Variants in KCNIP4 observed in about 807,000 individuals in gnomAD.
The protein encoded by KCNIP4 is Kv channel-interacting protein 4.
KCNIP4 carries 12 observed loss-of-function variants against 34.0 expected under a neutral mutation model. The observed-to-expected ratio is 0.35, with a 90% confidence interval of 0.23 to 0.57. KCNIP4 has a LOEUF of 0.57. Ranked by LOEUF, KCNIP4 falls within the 20% of genes least tolerant of loss-of-function variation. The pLI is 0.83. For synonymous variants in KCNIP4, 124 were observed against 102.2 expected, an observed-to-expected ratio of 1.21 and a Z score of -1.29; for missense variants, 238 against 311.7, an observed-to-expected ratio of 0.76 and a Z score of 1.78.
At chr4:21,172,310 G>T (rs1426859178) in intron 1 of KCNIP4, among the ~76,000 whole-genome samples, 1 of 152,122 alleles carries the variant, frequency 6.6e-6, no homozygotes, top group African/African-American at 2.4e-5. Flanking sequence ...GGGATTACAG[G>T]CATGAGCCAC....
At chr4:21,063,898 T>C (rs1035313202) in intron 1 of KCNIP4, among the ~76,000 whole-genome samples, 4 of 152,088 alleles carry the variant, frequency 2.6e-5, no homozygotes. Flanking sequence ...TATTTTTAAT[T>C]ATCTCACAAA....
chr4:21,382,227 C>T (rs918839324), intron 1 of KCNIP4, among the ~76,000 whole-genome samples: 2 of 152,054 alleles, frequency 1.3e-5, no homozygotes. Context: ...GTATGGCAGG[C>T]CATGAGCCCA....
At chr4:21,638,504 T>G (rs2109226488) in intron 1 of KCNIP4, among the ~76,000 whole-genome samples, 1 of 152,304 alleles carries the variant, frequency 6.6e-6, no homozygotes, top group Non-Finnish European at 1.5e-5. Context: ...TTTATGTTTT[T>G]TATCATAGTG....
intron 1 of KCNIP4, among the ~76,000 whole-genome samples, chr4:21,194,862 G>A (rs750539733): frequency 1.3e-5 from 2 of 152,100 alleles, no homozygotes; most frequent in Non-Finnish European, 2.9e-5. Flanking sequence ...TCATGTTAAG[G>A]CACTGTTATT....
chr4:21,344,732 T>C (rs553560171), intron 1 of KCNIP4, among the ~76,000 whole-genome samples: 5 of 152,244 alleles, frequency 3.3e-5, no homozygotes, highest in Middle Eastern at 3.4e-3. Flanking sequence ...ATTCCAAATT[T>C]CCAGAAAAGG....
At chr4:21,317,605 T>C (rs1713912992) in intron 1 of KCNIP4, among the ~76,000 whole-genome samples, 1 of 152,158 alleles carries the variant, frequency 6.6e-6, no homozygotes, top group Admixed American at 6.5e-5. Context: ...CAAGAAATCA[T>C]TGAGAAGCTA....
intron 1 of KCNIP4, among the ~76,000 whole-genome samples, chr4:21,650,924 G>T (rs1747436180): frequency 6.6e-6 from 1 of 152,070 alleles, no homozygotes; most frequent in Non-Finnish European, 1.5e-5. Flanking sequence ...GGGCCACTCA[G>T]CTCCTTGAGG....
At chr4:21,930,355 C>G (rs574540153) in intron 1 of KCNIP4, among the ~76,000 whole-genome samples, 21 of 152,106 alleles carry the variant, frequency 1.4e-4, no homozygotes, top group Non-Finnish European at 2.5e-4. Context: ...CTACATTGTT[C>G]GTACCATTTT....
At chr4:21,846,887 A>G (rs1215287059) in intron 1 of KCNIP4, 1 of 152,228 alleles carries the variant, frequency 6.6e-6, no homozygotes, top group African/African-American at 2.4e-5. Context: ...GCCAAGGAGA[A>G]CACTGGCCCA....
At chr4:21,822,649 C>A (rs1722424811) in intron 1 of KCNIP4, among the ~76,000 whole-genome samples, 1 of 150,614 alleles carries the variant, frequency 6.6e-6, no homozygotes, top group Non-Finnish European at 1.5e-5. Flanking sequence ...TATATTTAAA[C>A]AGATATGAAT....
chr4:21,140,560 G>A (rs575850158), intron 1 of KCNIP4, among the ~76,000 whole-genome samples: 1 of 151,944 alleles, frequency 6.6e-6, no homozygotes, highest in Non-Finnish European at 1.5e-5. Context: ...CTCCTCCAAC[G>A]CACCCCGCTA....
chr4:21,734,452 G>C (rs1171867404), intron 1 of KCNIP4, among the ~76,000 whole-genome samples: 1 of 152,102 alleles, frequency 6.6e-6, no homozygotes, highest in African/African-American at 2.4e-5. Flanking sequence ...CACTGAAATG[G>C]AAAATATATA....
chr4:21,543,423 T>C (rs945244881), intron 1 of KCNIP4, among the ~76,000 whole-genome samples: 2 of 152,160 alleles, frequency 1.3e-5, no homozygotes, highest in Non-Finnish European at 2.9e-5. Flanking sequence ...GCATGTATTT[T>C]TTTTTCATAA....
At position 20,858,168 on chromosome 4, in the gene KCNIP4, G is replaced by T. The variant is rs192873736; in HGVS notation, c.164-7501C>A. ...AGAGGTTGCAGTGAGCCGAGATCTCGCTACTGCACTCCAGCTTGGGCAATG... is the reference window on the plus strand; with the variant it reads ...AGAGGTTGCAGTGAGCCGAGATCTCTCTACTGCACTCCAGCTTGGGCAATG... On this transcript the variant is annotated intron_variant, in intron 2 of 8. Transcript: ENST00000382152. Among the ~76,000 whole-genome samples the T allele has an allele frequency of 5.8e-3, 762 of 131,342 alleles. 1 individual carries two copies. The highest frequency in any genetic ancestry group is 0.02 in the African/African-American group (706 of 35,772). 86.2% of individuals were successfully genotyped at this position (131,342 alleles called of 152,430 possible). A position where few individuals can be genotyped will look rare whatever the true frequency, so the allele number is the denominator to read the frequency against.
At chr4:21,501,037 C>T (rs1733284156) in intron 1 of KCNIP4, among the ~76,000 whole-genome samples, 1 of 151,934 alleles carries the variant, frequency 6.6e-6, no homozygotes, top group African/African-American at 2.4e-5. Context: ...TTAGGCAAGA[C>T]CTCTAATCTC....
Position 21,635,003 on chromosome 4 carries a change from T to A in KCNIP4, c.61+313568A>T, listed in dbSNP as rs147204395. ...AAAATTGTATTCACTTTATTTTGCT[T>A]CTCCAGATTTAAAAATGAAGAGAGC... On this transcript the variant is annotated intron_variant, in intron 1 of 8. Transcript: ENST00000382152. 2.3e-3 allele frequency among the ~76,000 whole-genome samples: 348 copies of A among 152,300 alleles called. 3 individuals carry two copies. Among genetic ancestry groups the A allele is most frequent in the African/African-American group, 7.7e-3 (321 of 41,574 alleles).
At chr4:21,649,446 T>C (rs917818237) in intron 1 of KCNIP4, among the ~76,000 whole-genome samples, 7 of 152,134 alleles carry the variant, frequency 4.6e-5, no homozygotes, top group African/African-American at 1.7e-4. Context: ...TAAGACAGTA[T>C]GGCAATTGAA....
At chr4:20,871,770 C>G (rs1002054487) in intron 2 of KCNIP4, among the ~76,000 whole-genome samples, 4 of 152,044 alleles carry the variant, frequency 2.6e-5, no homozygotes, top group African/African-American at 9.7e-5. Context: ...CTTTTTTCCT[C>G]TTAGTCCAGG....
intron 1 of KCNIP4, among the ~76,000 whole-genome samples, chr4:21,494,728 G>A (rs1237630487): frequency 1.3e-5 from 2 of 148,842 alleles, no homozygotes; most frequent in East Asian, 2.0e-4. Context: ...AGCCAAGATC[G>A]CGCCACTACA....
Sources: gnomAD v4.1 joint callset for allele counts (sites outside exome capture counted in the v4.1 genomes callset) on GRCh38, gnomAD v4.1.1 for gene constraint, MANE v1.5 for transcripts, NCBI Gene and HGNC (gene_info 2026-07-23, HGNC 2026-07-21) for gene names.